Variants in PPP2CB observed in about 807,000 individuals in gnomAD.
The protein encoded by PPP2CB is protein phosphatase 2 catalytic subunit beta.
Under a neutral mutation model 39.1 loss-of-function variants are expected in PPP2CB, and 18 were observed. The observed-to-expected ratio is 0.46, with a 90% CI of 0.32 to 0.68. The LOEUF (loss-of-function observed/expected upper bound fraction) is 0.68. Among genes scored for constraint, PPP2CB ranks in the 30% least tolerant of loss-of-function variants. The pLI, the probability that PPP2CB is intolerant of heterozygous loss-of-function variation, is 0.04. For missense variants in PPP2CB, 226 were observed against 396.9 expected, an observed-to-expected ratio of 0.57 and a Z score of 3.66; for synonymous variants, 129 against 133.8, an observed-to-expected ratio of 0.96 and a Z score of 0.25.
chr8:30,812,238 G>A (rs912572380), intron 1 of PPP2CB, 82 bp downstream of exon 1: 1 of 1,086,518 alleles, frequency 9.2e-7, no homozygotes, highest in Non-Finnish European at 1.2e-6. Flanking sequence ...CCGGGCCAGG[G>A]GCGGACGGGA....
chr8:30,792,680 T>C (rs942852415), intron 5 of PPP2CB, among the ~76,000 whole-genome samples: 10 of 151,094 alleles, frequency 6.6e-5, no homozygotes, highest in African/African-American at 2.4e-4. Flanking sequence ...GGTCTGAAAC[T>C]CCAAGACTCA....
chr8:30,812,289 G>T (rs749402908), intron 1 of PPP2CB, 31 bp downstream of exon 1: 3 of 1,463,124 alleles, frequency 2.1e-6, no homozygotes, highest in South Asian at 2.6e-5. Flanking sequence ...CCAGCCCCGC[G>T]CTCCCGCACT....
chr8:30,786,177 T>C lies in PPP2CB; in HGVS notation c.*58A>G, dbSNP rs1291115057. On this transcript the variant is annotated 3_prime_UTR_variant, in exon 7 of 7. Coordinates refer to ENST00000221138, the MANE Select transcript of PPP2CB (RefSeq NM_001009552.2). ...CTGTTGCTTTTTGTTTTTAAATACATATATTTTAAAAAGCCAGGTATACTT... is the reference window on the plus strand; with the variant it reads ...CTGTTGCTTTTTGTTTTTAAATACACATATTTTAAAAAGCCAGGTATACTT... 3.0e-6 allele frequency: 4 copies of C among 1,349,352 alleles called. No homozygotes were observed. The highest frequency in any genetic ancestry group is 1.5e-5 in the African/African-American group (1 of 67,332). 83.6% of individuals were successfully genotyped at this position (1,349,352 alleles called of 1,614,324 possible).
At chr8:30,805,906 C>T (rs758409550) in intron 1 of PPP2CB, among the ~76,000 whole-genome samples, 1 of 152,120 alleles carries the variant, frequency 6.6e-6, no homozygotes, top group Admixed American at 6.5e-5. Context: ...AAACAGTTTA[C>T]AAGGAATGAT....
intron 1 of PPP2CB, among the ~76,000 whole-genome samples, chr8:30,803,686 G>A (rs1049133297): frequency 6.6e-6 from 1 of 152,052 alleles, no homozygotes; most frequent in Non-Finnish European, 1.5e-5. Context: ...TGGACAATCA[G>A]ACTATACAAA....
intron 3 of PPP2CB, among the ~76,000 whole-genome samples, chr8:30,797,170 A>G (rs898129177): frequency 3.3e-5 from 5 of 152,190 alleles, no homozygotes; most frequent in African/African-American, 1.2e-4. Context: ...AATACACAAT[A>G]TAACATTTGC....
chr8:30,786,942 G>A (rs993057071), intron 6 of PPP2CB, among the ~76,000 whole-genome samples: 2 of 152,066 alleles, frequency 1.3e-5, no homozygotes, highest in Non-Finnish European at 2.9e-5. Context: ...TGGGATTACA[G>A]GCGTGAGCCA....
intron 3 of PPP2CB, 173 bp from the exon 4 acceptor site, chr8:30,794,454 G>A: frequency 1.8e-6 from 1 of 542,250 alleles, no homozygotes; most frequent in Non-Finnish European, 3.1e-6. Context: ...CCCATCCTTG[G>A]GGACCCACCA....
chr8:30,789,897 A>T (rs1429584075), intron 6 of PPP2CB, among the ~76,000 whole-genome samples: 2 of 152,182 alleles, frequency 1.3e-5, no homozygotes, highest in African/African-American at 2.4e-5. Flanking sequence ...GCTCTCTCTG[A>T]AGGCTCTAGG....
chr8:30,795,315 A>G lies in PPP2CB; in HGVS notation c.487-1034T>C, dbSNP rs1376673854. ...TTTTTAGTAGAGACAGGGTTTCTCCATGTTGGCCAGGCTGGTCTTGAACTC... is the reference window on the plus strand; with the variant it reads ...TTTTTAGTAGAGACAGGGTTTCTCCGTGTTGGCCAGGCTGGTCTTGAACTC... On this transcript the variant is annotated intron_variant, in intron 3 of 6. Coordinates refer to ENST00000221138, the MANE Select transcript of PPP2CB (RefSeq NM_001009552.2). Among the ~76,000 whole-genome samples the G allele has an allele frequency of 2.6e-5, 4 of 151,982 alleles. No homozygotes were observed. The East Asian group carries it at 7.7e-4, about 29-fold the overall frequency.
At chr8:30,804,932 C>A (rs1293551090) in intron 1 of PPP2CB, among the ~76,000 whole-genome samples, 6 of 152,110 alleles carry the variant, frequency 3.9e-5, no homozygotes, top group Non-Finnish European at 4.4e-5. Context: ...CCATCACTGT[C>A]CCCATCTTCT....
chr8:30,795,360 C>T (rs7843540), intron 3 of PPP2CB, among the ~76,000 whole-genome samples: 38,591 of 152,072 alleles, frequency 0.25, 6,704 homozygotes, highest in African/African-American at 0.49. Context: ...GGTGATCCGC[C>T]CGCCTTGGCC....
chr8:30,799,784 A>G (rs2128761679), intron 1 of PPP2CB, 29 bp from the exon 2 acceptor site: 2 of 1,593,502 alleles, frequency 1.3e-6, no homozygotes, highest in Non-Finnish European at 1.7e-6. Context: ...CAACAATTAC[A>G]AAGTTAAAAC....
chr8:30,787,104 C>T (rs774157785), intron 6 of PPP2CB, among the ~76,000 whole-genome samples: 1 of 152,152 alleles, frequency 6.6e-6, no homozygotes, highest in African/African-American at 2.4e-5. Context: ...TTTGAACCAA[C>T]CTAGCATTCC....
chr8:30,807,725 C>T (rs1177620523), intron 1 of PPP2CB, among the ~76,000 whole-genome samples: 1 of 152,148 alleles, frequency 6.6e-6, no homozygotes, highest in Non-Finnish European at 1.5e-5. Flanking sequence ...ACAGAGTGTC[C>T]TGAGCAGTGC....
intron 6 of PPP2CB, among the ~76,000 whole-genome samples, chr8:30,786,750 G>A (rs1268970006): frequency 6.9e-6 from 1 of 145,802 alleles, no homozygotes; most frequent in East Asian, 2.0e-4. Context: ...TGCAAGCTCC[G>A]CCTCCTGGGT....
intron 1 of PPP2CB, among the ~76,000 whole-genome samples, chr8:30,802,034 T>A: frequency 6.6e-6 from 1 of 152,234 alleles, no homozygotes; most frequent in East Asian, 1.9e-4. Flanking sequence ...GCTTTTCTTT[T>A]GATTCTAGGC....
chr8:30,785,948 T>TA lies in PPP2CB; in HGVS notation c.*286dup, dbSNP rs1563573712. On this transcript the variant is annotated 3_prime_UTR_variant, in exon 7 of 7. Coordinates refer to ENST00000221138, the MANE Select transcript of PPP2CB (RefSeq NM_001009552.2). Reference sequence around the variant, plus strand: ...TAAGCGCAAAAGGAGATGAAGCAGTTAGTTACCTTTTTTGCTTGAACAGTC... The same window carrying TA: ...TAAGCGCAAAAGGAGATGAAGCAGTTAAGTTACCTTTTTTGCTTGAACAGTC... 1.8e-6 allele frequency: 1 copy of TA among 555,264 alleles called. No individual in the cohort carries two copies. Among genetic ancestry groups the TA allele is most frequent in the Admixed American group, 2.2e-5 (1 of 44,968 alleles). The allele number at this position is 555,264 out of a possible 1,614,324, so 34.4% of individuals were successfully genotyped here.
chr8:30,791,216 C>A lies in PPP2CB; in HGVS notation c.838G>T (p.Asp280Tyr). The A allele has an allele frequency of 6.2e-7, 1 of 1,606,034 alleles. No homozygotes were observed. The highest frequency in any genetic ancestry group is 1.1e-5 in the South Asian group (1 of 89,158). Residue 280 changes from aspartate (D) to tyrosine (Y), a missense_variant, in exon 6 of 7, where the codon GAC becomes TAC. Around this residue, in one of 4 missense-constraint regions of PPP2CB, gnomAD observed 56 missense variants for 92.0 expected, o/e 0.61. Coordinates refer to ENST00000221138, the MANE Select transcript of PPP2CB (RefSeq NM_001009552.2). ...ACTCACAAGGAATATTTTAAAGTGTCATCTAATTCCATGATAGCAGCCTGG... is the reference window on the plus strand; with the variant it reads ...ACTCACAAGGAATATTTTAAAGTGTAATCTAATTCCATGATAGCAGCCTGG... ...GNQAAIMELD[D>Y]TLKYSFLQFD...
Sources: gnomAD v4.1 joint callset for allele counts (sites outside exome capture counted in the v4.1 genomes callset) on GRCh38, gnomAD v4.1.1 for gene constraint, gnomAD v4.1.1 regional missense constraint, MANE v1.5 for transcripts, NCBI Gene and HGNC (gene_info 2026-07-23, HGNC 2026-07-21) for gene names.